Variants in PCBP3 observed in about 807,000 individuals in gnomAD.
PCBP3 encodes poly(rC) binding protein 3, also known as poly(rC)-binding protein 3.
In PCBP3, 25 loss-of-function variants were observed where a neutral mutation model predicts 52.7. That is an observed-to-expected ratio of 0.47 (90% CI 0.35 to 0.66). PCBP3 has a LOEUF of 0.66. Among genes scored for constraint, PCBP3 ranks in the 30% least tolerant of loss-of-function variants. The probability of loss-of-function intolerance (pLI) is 0.01; values close to 1 mark genes in which losing one functional copy is unlikely to be tolerated. For missense variants in PCBP3, 391 were observed against 490.3 expected (o/e 0.80, Z 1.91); for synonymous variants, 162 against 183.0 (o/e 0.89, Z 0.93).
chr21:45,803,922 T>A (rs914991334), intron 4 of PCBP3, among the ~76,000 whole-genome samples: 2 of 152,192 alleles, frequency 1.3e-5, no homozygotes, highest in Non-Finnish European at 2.9e-5. Flanking sequence ...CTGTGCTGTA[T>A]CTCACTTGTG....
intron 6 of PCBP3, 122 bp from the exon 7 acceptor site, chr21:45,899,477 C>A: frequency 2.8e-6 from 2 of 709,100 alleles, no homozygotes; most frequent in Admixed American, 4.3e-5. Flanking sequence ...TTCATGCACA[C>A]CGGGAAGGTC....
Position 45,909,432 on chromosome 21 carries a change from C to T in PCBP3, c.417C>T (p.Ser139=). The change falls in exon 10 of 18, where the codon AGC becomes AGT. Residue 139 remains serine, a synonymous_variant. Coordinates refer to ENST00000681687, the MANE Select transcript of PCBP3 (RefSeq NM_001384156.1). ...CGCTGAGGCTGGTGGTGCCTGCCAG[C>T]CAGTGTGGGTCCCTGATCGGCAAAG... ...PVTLRLVVPA[S]QCGSLIGKGG... is the part of the protein sequence containing the mutation. The T allele has an allele frequency of 3.1e-6, 5 of 1,613,484 alleles. No homozygotes were observed. Among genetic ancestry groups the T allele is most frequent in the Non-Finnish European group, 4.2e-6 (5 of 1,179,770 alleles).
rs543396232 is a variant in PCBP3, at chr21:45,697,906, C to G, written c.-200+28954C>G. 6.6e-5 allele frequency among the ~76,000 whole-genome samples: 10 copies of G among 152,144 alleles called. No individual in the cohort carries two copies. The East Asian group carries it at 1.7e-3, about 26-fold the overall frequency. ...GAAGACTTCTCCTCTGTTGTGTGAG[C>G]CTCATAAGTGGCCAGGGGTAGATAT... On this transcript the variant is annotated intron_variant, in intron 2 of 17. Coordinates refer to ENST00000681687, the MANE Select transcript of PCBP3 (RefSeq NM_001384156.1).
At chr21:45,786,437 C>G (rs1322684202) in intron 4 of PCBP3, among the ~76,000 whole-genome samples, 1 of 151,916 alleles carries the variant, frequency 6.6e-6, no homozygotes, top group Admixed American at 6.6e-5. Flanking sequence ...ATTATAGGCG[C>G]CCACCAATGT....
chr21:45,797,679 TGC>T (rs2092018182), intron 4 of PCBP3, among the ~76,000 whole-genome samples: 2 of 150,096 alleles, frequency 1.3e-5, no homozygotes, highest in Non-Finnish European at 1.5e-5. Context: ...GGAGAGTGAA[TGC>T]ATAGATGGAC....
chr21:45,794,485 A>T (rs1030630913), intron 4 of PCBP3, among the ~76,000 whole-genome samples: 1 of 152,204 alleles, frequency 6.6e-6, no homozygotes, highest in Non-Finnish European at 1.5e-5. Flanking sequence ...TGAACAGGAA[A>T]ATTTTCAGAA....
chr21:45,839,388 A>C (rs953091600), intron 4 of PCBP3, among the ~76,000 whole-genome samples: 1 of 152,196 alleles, frequency 6.6e-6, no homozygotes, highest in Non-Finnish European at 1.5e-5. Flanking sequence ...TTCAGTAGTT[A>C]AATGTGTTTG....
intron 2 of PCBP3, among the ~76,000 whole-genome samples, chr21:45,693,337 G>T (rs1324907778): frequency 1.3e-5 from 2 of 152,046 alleles, no homozygotes; most frequent in Non-Finnish European, 1.5e-5. Flanking sequence ...GACATAAAAA[G>T]AGTTTATAGT....
chr21:45,762,491 C>CTCTTTTTTTTTTTT lies in PCBP3; in HGVS notation c.-126+7040_-126+7041insCTTTTTTTTTTTTT, dbSNP rs2088795733. 15 of 104,666 alleles carry CTCTTTTTTTTTTTT rather than the reference C, an allele frequency of 1.4e-4. 1 individual carries two copies. Among genetic ancestry groups the CTCTTTTTTTTTTTT allele is most frequent in the Non-Finnish European group, 1.9e-4 (10 of 53,024 alleles). 6.5% of individuals were successfully genotyped at this position (104,666 alleles called of 1,614,324 possible). ...TCACCTTTTTCTTTTCTTTTCTTCT[C>CTCTTTTTTTTTTTT]TTTTTTTTTTTTTTTTGAGACAGAG... is the stretch of plus-strand genomic sequence containing the variant. On this transcript the variant is annotated intron_variant, in intron 4 of 17. Coordinates refer to ENST00000681687, the MANE Select transcript of PCBP3 (RefSeq NM_001384156.1).
At chr21:45,718,547 G>T (rs779435383) in intron 2 of PCBP3, among the ~76,000 whole-genome samples, 23 of 151,996 alleles carry the variant, frequency 1.5e-4, no homozygotes, top group Non-Finnish European at 2.6e-4. Context: ...TGGGCTCTTG[G>T]TTTTCAAGGC....
intron 9 of PCBP3, among the ~76,000 whole-genome samples, chr21:45,905,253 TCTCCGTCTGCA>T (rs2096171963): frequency 6.6e-6 from 1 of 152,142 alleles, no homozygotes; most frequent in Non-Finnish European, 1.5e-5. Context: ...AACGACCGCA[TCTCCGTCTGCA>T]CTGGCCTCGC....
chr21:45,881,875 C>G (rs2095413777), intron 5 of PCBP3, among the ~76,000 whole-genome samples: 1 of 152,236 alleles, frequency 6.6e-6, no homozygotes, highest in South Asian at 2.1e-4. Flanking sequence ...CGCAGTGACA[C>G]AGATGACATG....
At chr21:45,768,619 A>T (rs534448181) in intron 4 of PCBP3, among the ~76,000 whole-genome samples, 1 of 152,328 alleles carries the variant, frequency 6.6e-6, no homozygotes, top group South Asian at 2.1e-4. Context: ...TGGAGATTTA[A>T]ATTTGTTGAG....
chr21:45,920,001 G>T (rs536473866), intron 13 of PCBP3, among the ~76,000 whole-genome samples: 1 of 152,334 alleles, frequency 6.6e-6, no homozygotes, highest in East Asian at 1.9e-4. Flanking sequence ...CTCAGGACAG[G>T]TGGTCACGCA....
chr21:45,823,005 T>C (rs771463032), intron 4 of PCBP3, among the ~76,000 whole-genome samples: 4 of 152,172 alleles, frequency 2.6e-5, no homozygotes, highest in Non-Finnish European at 5.9e-5. Context: ...GGGTAAGGTC[T>C]TCCCCCTCCA....
chr21:45,710,757 G>T (rs968342082), intron 2 of PCBP3, among the ~76,000 whole-genome samples: 2 of 152,208 alleles, frequency 1.3e-5, no homozygotes, highest in South Asian at 2.1e-4. Flanking sequence ...TGAGGATGGA[G>T]TGTCTGTATA....
intron 4 of PCBP3, among the ~76,000 whole-genome samples, chr21:45,767,144 C>T (rs953125215): frequency 1.3e-5 from 2 of 152,170 alleles, no homozygotes; most frequent in Non-Finnish European, 1.5e-5. Context: ...GCAGCCACCA[C>T]GTCTGCCTAC....
At chr21:45,914,060 A>G in intron 12 of PCBP3, 35 bp downstream of exon 12, 3 of 1,611,892 alleles carry the variant, frequency 1.9e-6, no homozygotes, top group Non-Finnish European at 1.7e-6. Context: ...TCCACTGCCA[A>G]CCTCAGCCTT....
At chr21:45,660,829 A>G (rs1432501151) in intron 1 of PCBP3, among the ~76,000 whole-genome samples, 2 of 152,182 alleles carry the variant, frequency 1.3e-5, no homozygotes, top group Admixed American at 1.3e-4. Flanking sequence ...ACTTGAGGTC[A>G]GGAGTTCGAG....
Sources: gnomAD v4.1 joint callset for allele counts (sites outside exome capture counted in the v4.1 genomes callset) on GRCh38, gnomAD v4.1.1 for gene constraint, MANE v1.5 for transcripts, NCBI Gene and HGNC (gene_info 2026-07-23, HGNC 2026-07-21) for gene names.